CPA6: variants seen among roughly 807,000 people sequenced by gnomAD.
CPA6 encodes the protein carboxypeptidase B.
CPA6 carries 58 observed loss-of-function variants against 63.3 expected under a neutral mutation model. The observed-to-expected ratio is 0.92, with a 90% CI of 0.74 to 1.14. The LOEUF (loss-of-function observed/expected upper bound fraction) is 1.14. Ranked by LOEUF, CPA6 falls within the 50% of genes most tolerant of loss-of-function variation. CPA6 has a pLI of 0.00. For synonymous variants in CPA6, 185 were observed against 179.0 expected (o/e 1.03, Z -0.27); for missense variants, 565 against 526.6 (o/e 1.07, Z -0.71).
At position 67,746,359 on chromosome 8, in the gene CPA6, G is replaced by A. The variant is rs1352874423; in HGVS notation, c.-230C>T. On this transcript the variant is annotated 5_prime_UTR_variant, in exon 1 of 11. Transcript: ENST00000297770. ...CTTGGTCTTGGGACAAGCAGCAGCA[G>A]CAGCAGCAGCAGCTGAGCCTGATCT... is the stretch of plus-strand genomic sequence containing the variant. 2.7e-6 allele frequency: 1 copy of A among 375,010 alleles called. No homozygotes were observed. Among genetic ancestry groups the A allele is most frequent in the Non-Finnish European group, 4.9e-6 (1 of 204,256 alleles). The allele number at this position is 375,010 out of a possible 1,614,324, so 23.2% of individuals were successfully genotyped here. A position where few individuals can be genotyped will look rare whatever the true frequency, so the allele number is the denominator to read the frequency against.
chr8:67,544,910 T>G (rs1315259212), intron 2 of CPA6, among the ~76,000 whole-genome samples: 1 of 152,190 alleles, frequency 6.6e-6, no homozygotes. Flanking sequence ...AGAAGCTATT[T>G]GCAGATATTT....
intron 1 of CPA6, among the ~76,000 whole-genome samples, chr8:67,652,239 G>C (rs538090588): frequency 8.5e-5 from 13 of 152,150 alleles, no homozygotes; most frequent in African/African-American, 3.1e-4. Context: ...ATGATTTATA[G>C]TCCTTTGGGT....
chr8:67,587,178 T>A (rs1813963630), intron 2 of CPA6, among the ~76,000 whole-genome samples: 1 of 151,682 alleles, frequency 6.6e-6, no homozygotes. Flanking sequence ...CTTGAAATAT[T>A]CTGAGGCTTG....
intron 1 of CPA6, among the ~76,000 whole-genome samples, chr8:67,681,195 A>ATTTTTTTTTTTTTTTTTTTTTTTT (rs1554533441): frequency 1.0e-5 from 1 of 97,144 alleles, no homozygotes; most frequent in Non-Finnish European, 1.9e-5. Context: ...GGTCACAAAG[A>ATTTTTTTTTTTTTTTTTTTTTTTT]TTTTCTTTTT....
intron 1 of CPA6, among the ~76,000 whole-genome samples, chr8:67,739,341 C>CT (rs1161508232): frequency 6.6e-6 from 1 of 152,188 alleles, no homozygotes; most frequent in African/African-American, 2.4e-5. Flanking sequence ...AGGGGCTGTA[C>CT]TTTGAGCTAG....
chr8:67,524,613 C>CTTTTTTT (rs71554611), intron 2 of CPA6, among the ~76,000 whole-genome samples: 6 of 149,896 alleles, frequency 4.0e-5, no homozygotes, highest in African/African-American at 1.2e-4. Context: ...TTTGAAAAAA[C>CTTTTTTT]TTTTTTTGTT....
intron 8 of CPA6, among the ~76,000 whole-genome samples, chr8:67,471,939 T>C (rs1437956596): frequency 6.6e-6 from 1 of 152,116 alleles, no homozygotes; most frequent in African/African-American, 2.4e-5. Context: ...ATCAAAGCAC[T>C]TATATAGGCA....
chr8:67,680,876 T>C (rs967101113), intron 1 of CPA6, among the ~76,000 whole-genome samples: 1 of 152,242 alleles, frequency 6.6e-6, no homozygotes, highest in African/African-American at 2.4e-5. Context: ...ACTAATTATA[T>C]TGAATACCTT....
intron 8 of CPA6, among the ~76,000 whole-genome samples, chr8:67,450,579 A>G (rs1810534788): frequency 6.6e-6 from 1 of 152,242 alleles, no homozygotes. Flanking sequence ...AAGATTGAGT[A>G]AGAAAAAGGG....
At chr8:67,461,444 G>T (rs1428447272) in intron 8 of CPA6, among the ~76,000 whole-genome samples, 2 of 150,732 alleles carry the variant, frequency 1.3e-5, no homozygotes, top group African/African-American at 4.9e-5. Context: ...AAAATGAAAA[G>T]TCTCCCATGT....
chr8:67,618,486 C>T (rs1021512084), intron 2 of CPA6, among the ~76,000 whole-genome samples: 1 of 152,122 alleles, frequency 6.6e-6, no homozygotes, highest in Non-Finnish European at 1.5e-5. Flanking sequence ...AGCAGCAGCA[C>T]ATTTCATGTA....
At position 67,427,126 on chromosome 8, in the gene CPA6, G is replaced by A. The variant is rs1809906854; in HGVS notation, c.1126+921C>T. ...GCAAACAGTAAAGATTCCTCGAGGAGGGTTATTCTCACTATAAGAAGGGTG... is the reference window on the plus strand; with the variant it reads ...GCAAACAGTAAAGATTCCTCGAGGAAGGTTATTCTCACTATAAGAAGGGTG... On this transcript the variant is annotated intron_variant, in intron 10 of 10. Coordinates refer to ENST00000297770, the MANE Select transcript of CPA6 (RefSeq NM_020361.5). 2.6e-5 allele frequency among the ~76,000 whole-genome samples: 4 copies of A among 152,158 alleles called. No individual in the cohort carries two copies. The South Asian group carries it at 8.3e-4, about 32-fold the overall frequency.
At chr8:67,716,823 C>G (rs563811835) in intron 1 of CPA6, among the ~76,000 whole-genome samples, 1 of 152,054 alleles carries the variant, frequency 6.6e-6, no homozygotes, top group Admixed American at 6.6e-5. Flanking sequence ...CAGCCTTTAT[C>G]TTATTCATCA....
At chr8:67,604,125 C>T (rs1173399340) in intron 2 of CPA6, among the ~76,000 whole-genome samples, 3 of 152,100 alleles carry the variant, frequency 2.0e-5, no homozygotes, top group Non-Finnish European at 4.4e-5. Flanking sequence ...CTTGGGTTAT[C>T]CTAATCAGAT....
chr8:67,552,238 A>G (rs939531544), intron 2 of CPA6, among the ~76,000 whole-genome samples: 1 of 152,248 alleles, frequency 6.6e-6, no homozygotes, highest in Admixed American at 6.5e-5. Flanking sequence ...ATTGAAATTC[A>G]TAAACGGAAT....
intron 1 of CPA6, among the ~76,000 whole-genome samples, chr8:67,728,591 A>G (rs888253912): frequency 2.6e-5 from 4 of 152,232 alleles, no homozygotes; most frequent in African/African-American, 9.6e-5. Context: ...CTTTGCCTAC[A>G]TTTCAGATAA....
At chr8:67,717,939 C>T (rs1298376505) in intron 1 of CPA6, among the ~76,000 whole-genome samples, 1 of 152,132 alleles carries the variant, frequency 6.6e-6, no homozygotes, top group African/African-American at 2.4e-5. Context: ...CCTGTTGACA[C>T]CTTGATTCTA....
chr8:67,508,366 C>T (rs759144494), intron 5 of CPA6, among the ~76,000 whole-genome samples: 16 of 152,002 alleles, frequency 1.1e-4, no homozygotes, highest in Non-Finnish European at 1.5e-4. Context: ...CATTCTGAAT[C>T]TGAGGTGCTT....
chr8:67,595,228 C>A (rs1038264292), intron 2 of CPA6, among the ~76,000 whole-genome samples: 1 of 152,280 alleles, frequency 6.6e-6, no homozygotes, highest in East Asian at 1.9e-4. Flanking sequence ...GCTGTCTGAT[C>A]GTTCCTCTGG....
Sources: gnomAD v4.1 joint callset for allele counts (sites outside exome capture counted in the v4.1 genomes callset) on GRCh38, gnomAD v4.1.1 for gene constraint, MANE v1.5 for transcripts, NCBI Gene and HGNC (gene_info 2026-07-23, HGNC 2026-07-21) for gene names.